ASTN2: variants seen among roughly 807,000 people sequenced by gnomAD.
ASTN2 encodes the protein astrotactin 2.
Under a neutral mutation model 139.8 loss-of-function variants are expected in ASTN2, and 54 were observed. That is an observed-to-expected ratio of 0.39 (90% CI 0.31 to 0.48). ASTN2 has a LOEUF of 0.48. Among genes scored for constraint, ASTN2 ranks in the 20% least tolerant of loss-of-function variants. The pLI is 0.95. For missense variants in ASTN2, 1,565 were observed against 1,725.1 expected, an observed-to-expected ratio of 0.91 and a Z score of 1.64; for synonymous variants, 756 against 719.5, an observed-to-expected ratio of 1.05 and a Z score of -0.81.
At chr9:116,892,349 A>C (rs1236821935) in intron 10 of ASTN2, among the ~76,000 whole-genome samples, 6 of 152,216 alleles carry the variant, frequency 3.9e-5, no homozygotes, top group African/African-American at 1.4e-4. Flanking sequence ...TGAGAAAGTC[A>C]TGCCCAAATT....
At chr9:116,510,268 T>G (rs942838500) in intron 19 of ASTN2, among the ~76,000 whole-genome samples, 2 of 152,236 alleles carry the variant, frequency 1.3e-5, no homozygotes, top group African/African-American at 4.8e-5. Flanking sequence ...TAGGGAATCC[T>G]TTCCCCATTT....
At chr9:116,526,621 C>CAAA (rs34222127) in intron 19 of ASTN2, among the ~76,000 whole-genome samples, 1,745 of 137,280 alleles carry the variant, frequency 0.013, 31 homozygotes, top group African/African-American at 0.035. Flanking sequence ...GAACTTGTCT[C>CAAA]AAAAAAAAAA....
At chr9:117,011,062 A>G (rs1198425308) in intron 6 of ASTN2, among the ~76,000 whole-genome samples, 1 of 152,200 alleles carries the variant, frequency 6.6e-6, no homozygotes, top group Non-Finnish European at 1.5e-5. Flanking sequence ...GTGCAGCATC[A>G]TGATGTCCAC....
chr9:116,533,422 T>C (rs1020928399), intron 19 of ASTN2, among the ~76,000 whole-genome samples: 13 of 152,132 alleles, frequency 8.5e-5, no homozygotes, highest in Non-Finnish European at 1.8e-4. Context: ...TGAGAGAGGG[T>C]ATCCCTGTCT....
chr9:117,146,489 A>C lies in ASTN2; in HGVS notation c.1016-5011T>G, dbSNP rs201907448. On this transcript the variant is annotated intron_variant, in intron 3 of 22. Coordinates refer to ENST00000313400, the MANE Select transcript of ASTN2 (RefSeq NM_001365068.1). ...GGAAGAGGAGAGAAAAAAAAAAAAA[A>C]AACAAGAATAAAAGAGATAACTGTG... Among the ~76,000 whole-genome samples the C allele has an allele frequency of 3.5e-3, 536 of 152,030 alleles. 15 individuals carry two copies. In the East Asian group the frequency reaches 0.062, roughly 18 times the overall value.
rs1456651912 is a variant in ASTN2, at chr9:117,061,861, G to A, written c.1277-21896C>T. On this transcript the variant is annotated intron_variant, in intron 5 of 22. Transcript: ENST00000313400. ...GGAGAGTTGGAAAAAAATCAAGAAA[G>A]GAAGAGAGGAGGGAAGGAAATACTT... Among the ~76,000 whole-genome samples, 3 of 152,146 alleles carry A rather than the reference G, an allele frequency of 2.0e-5. 1 individual carries two copies. The highest frequency in any genetic ancestry group is 7.2e-5 in the African/African-American group (3 of 41,426).
intron 2 of ASTN2, among the ~76,000 whole-genome samples, chr9:117,217,230 A>AT (rs1335510095): frequency 6.6e-6 from 1 of 152,118 alleles, no homozygotes; most frequent in Non-Finnish European, 1.5e-5. Context: ...TTCAGAGAAG[A>AT]TTTTCATTCT....
At chr9:117,254,366 T>C (rs778686331) in intron 2 of ASTN2, among the ~76,000 whole-genome samples, 1 of 152,216 alleles carries the variant, frequency 6.6e-6, no homozygotes, top group African/African-American at 2.4e-5. Context: ...TGATACATTT[T>C]CTTAAATTCA....
chr9:116,491,611 A>T (rs1447650027), intron 19 of ASTN2, among the ~76,000 whole-genome samples: 1 of 152,224 alleles, frequency 6.6e-6, no homozygotes, highest in Non-Finnish European at 1.5e-5. Flanking sequence ...ACTGTAAGAT[A>T]GCTTTTTTTG....
intron 1 of ASTN2, among the ~76,000 whole-genome samples, chr9:117,292,765 C>G (rs551501552): frequency 1.3e-5 from 2 of 152,220 alleles, no homozygotes; most frequent in South Asian, 4.1e-4. Context: ...AGCAACTTAT[C>G]CAATCAGCTC....
chr9:116,652,897 C>T (rs1858000033), intron 16 of ASTN2, among the ~76,000 whole-genome samples: 1 of 152,182 alleles, frequency 6.6e-6, no homozygotes, highest in South Asian at 2.1e-4. Flanking sequence ...TGTGCCTTTG[C>T]TCACTCTGTG....
chr9:116,780,880 C>G, intron 13 of ASTN2, among the ~76,000 whole-genome samples: 1 of 146,642 alleles, frequency 6.8e-6, no homozygotes, highest in Non-Finnish European at 1.5e-5. Context: ...GCTCTTGTTA[C>G]CCAGGCTGGA....
intron 13 of ASTN2, among the ~76,000 whole-genome samples, chr9:116,772,802 C>A (rs1018912906): frequency 6.6e-6 from 1 of 151,862 alleles, no homozygotes; most frequent in South Asian, 2.1e-4. Context: ...TCATCAGGAC[C>A]TGATTCCAGT....
At chr9:117,375,439 C>T (rs1830096477) in intron 1 of ASTN2, among the ~76,000 whole-genome samples, 1 of 152,196 alleles carries the variant, frequency 6.6e-6, no homozygotes, top group South Asian at 2.1e-4. Flanking sequence ...GTCTGTACCA[C>T]CAGTTCACAG....
intron 17 of ASTN2, among the ~76,000 whole-genome samples, chr9:116,625,884 T>C (rs1355953302): frequency 6.6e-6 from 1 of 152,214 alleles, no homozygotes; most frequent in African/African-American, 2.4e-5. Flanking sequence ...TCTCCTCTCA[T>C]TCAATTTTTA....
chr9:117,306,506 C>G (rs1194788738), intron 1 of ASTN2, among the ~76,000 whole-genome samples: 1 of 152,176 alleles, frequency 6.6e-6, no homozygotes, highest in Non-Finnish European at 1.5e-5. Flanking sequence ...ACGCACTTCC[C>G]TTTCTGAACC....
intron 16 of ASTN2, among the ~76,000 whole-genome samples, chr9:116,715,285 A>G (rs973830929): frequency 6.6e-6 from 1 of 152,078 alleles, no homozygotes; most frequent in Non-Finnish European, 1.5e-5. Context: ...TACTTGGGAG[A>G]CTGAGGCCCA....
chr9:116,666,903 A>G (rs1485538951), intron 16 of ASTN2, among the ~76,000 whole-genome samples: 3 of 149,214 alleles, frequency 2.0e-5, no homozygotes, highest in African/African-American at 7.4e-5. Context: ...AGAACACCAT[A>G]TAGACATTTT....
chr9:117,180,591 C>T (rs965801832), intron 3 of ASTN2: 7 of 929,004 alleles, frequency 7.5e-6, no homozygotes, highest in African/African-American at 6.7e-5. Flanking sequence ...GCTTACTATG[C>T]ACCGAGCACC....
Sources: gnomAD v4.1 joint callset for allele counts (sites outside exome capture counted in the v4.1 genomes callset) on GRCh38, gnomAD v4.1.1 for gene constraint, MANE v1.5 for transcripts, NCBI Gene and HGNC (gene_info 2026-07-23, HGNC 2026-07-21) for gene names.